Variants in PP2D1 observed in about 807,000 individuals in gnomAD.
PP2D1 encodes the protein protein phosphatase 2C-like domain-containing protein 1.
A neutral mutation model predicts 30.2 loss-of-function variants in PP2D1; 25 were observed. The observed-to-expected ratio is 0.83, with a 90% confidence interval of 0.60 to 1.16. The LOEUF is 1.16. Ranked by LOEUF, PP2D1 falls within the 50% of genes most tolerant of loss-of-function variation. The pLI is 0.00. For missense variants in PP2D1, 760 were observed against 742.4 expected (o/e 1.02, Z -0.28); for synonymous variants, 260 against 258.9 (o/e 1.00, Z -0.04).
Position 20,001,812 on chromosome 3 carries a change from G to A in PP2D1, c.308C>T (p.Pro103Leu), listed in dbSNP as rs767795233. The A allele has an allele frequency of 2.5e-5, 39 of 1,535,130 alleles. No homozygotes were observed. The highest frequency in any genetic ancestry group is 3.3e-5 in the Non-Finnish European group (38 of 1,146,646). The change falls in exon 2 of 3, where the codon CCC becomes CTC. Residue 103 changes from proline to leucine, a missense_variant. Pro to Leu is a moderately conservative substitution (Grantham distance 98). Transcript: ENST00000389050. ...FQWMGRKKPQ[P>L]SVIAVQRQFM... ...CTGTCTCTGAACAGCAATCACTGAG[G>A]GCTGTGGTTTCTTTCTACCCATCCA...
Position 19,995,796 on chromosome 3 carries a change from A to G in PP2D1, c.1090+5234T>C, listed in dbSNP as rs538593008. 2.0e-5 allele frequency among the ~76,000 whole-genome samples: 3 copies of G among 152,354 alleles called. No individual in the cohort carries two copies. In the South Asian group the frequency reaches 6.2e-4, roughly 32 times the overall value. ...TTTCATACCACAATGGAATAGAACT[A>G]GTAATCAATAGCAAGAGGAACATTG... On this transcript the variant is annotated intron_variant, in intron 2 of 2. Coordinates refer to ENST00000389050, the MANE Select transcript of PP2D1 (RefSeq NM_001252657.2).
chr3:19,983,974 G>C, downstream of PP2D1: 1 of 610,136 alleles, frequency 1.6e-6, no homozygotes, highest in South Asian at 2.1e-5. Flanking sequence ...TAAGTGTTTT[G>C]AACTTAATTT....
intron 2 of PP2D1, 30 bp downstream of exon 2, chr3:20,001,000 G>T: frequency 8.3e-7 from 1 of 1,209,956 alleles, no homozygotes; most frequent in Non-Finnish European, 1.1e-6. Flanking sequence ...AAACATAAAG[G>T]TGTTATTTGG....
intron 2 of PP2D1, 118 bp downstream of exon 2, chr3:20,000,912 A>G (rs777596517): frequency 6.3e-5 from 30 of 476,348 alleles, no homozygotes; most frequent in Non-Finnish European, 8.2e-5. Context: ...GATCAATGCA[A>G]TTTCTAGGTA....
intron 2 of PP2D1, among the ~76,000 whole-genome samples, chr3:19,990,433 A>G (rs1319315329): frequency 1.3e-5 from 2 of 152,236 alleles, no homozygotes; most frequent in African/African-American, 2.4e-5. Context: ...TACAAGTGCC[A>G]GTCACTGCAC....
chr3:20,011,259 A>G (rs1038251902), intron 1 of PP2D1, among the ~76,000 whole-genome samples: 3 of 152,170 alleles, frequency 2.0e-5, no homozygotes, highest in Non-Finnish European at 4.4e-5. Flanking sequence ...TTTGGCCAAA[A>G]TATATAAAAA....
intron 2 of PP2D1, among the ~76,000 whole-genome samples, chr3:19,999,440 GGTGT>G (rs764010963): frequency 0.19 from 28,639 of 151,380 alleles, 2,617 homozygotes; most frequent in South Asian, 0.22. Flanking sequence ...GGAGTGCAGT[GGTGT>G]GATCTCAGCT....
intron 2 of PP2D1, among the ~76,000 whole-genome samples, chr3:19,987,054 AT>A (rs1407209972): frequency 6.7e-6 from 1 of 148,416 alleles, no homozygotes; most frequent in East Asian, 1.9e-4. Flanking sequence ...AAAAAAAAAA[AT>A]CATTCCTGTG....
chr3:20,001,692 A>AT lies in PP2D1; in HGVS notation c.427dup (p.Ile143AsnfsTer6), dbSNP rs1697255655. Reference sequence around the variant, plus strand: ...ATCAAAAATCTTATAGTATGCTGGTATTTGTTTTTTCCAAAGCAGCTCAAA... The same window carrying AT: ...ATCAAAAATCTTATAGTATGCTGGTATTTTGTTTTTTCCAAAGCAGCTCAAA... On this transcript the variant is annotated frameshift_variant, in exon 2 of 3. Coordinates refer to ENST00000389050, the MANE Select transcript of PP2D1 (RefSeq NM_001252657.2). LOFTEE classifies it high-confidence loss of function. 3 of 1,534,560 alleles carry AT rather than the reference A, an allele frequency of 2.0e-6. No individual in the cohort carries two copies. Among genetic ancestry groups the AT allele is most frequent in the Non-Finnish European group, 2.6e-6 (3 of 1,146,312 alleles).
chr3:20,009,336 C>A (rs755343229), intron 1 of PP2D1, among the ~76,000 whole-genome samples: 3 of 152,068 alleles, frequency 2.0e-5, no homozygotes, highest in Non-Finnish European at 1.5e-5. Flanking sequence ...GTGGTGCACA[C>A]CTGTAGTCCC....
chr3:20,008,493 G>C (rs894490917), intron 1 of PP2D1, among the ~76,000 whole-genome samples: 1 of 152,078 alleles, frequency 6.6e-6, no homozygotes, highest in African/African-American at 2.4e-5. Flanking sequence ...TGTGAACCCG[G>C]GAGGTGGAGG....
intron 1 of PP2D1, among the ~76,000 whole-genome samples, chr3:20,011,168 C>T (rs1487551331): frequency 6.6e-6 from 1 of 152,110 alleles, no homozygotes; most frequent in Non-Finnish European, 1.5e-5. Flanking sequence ...GCAGAAGGAG[C>T]AAGAGGACCC....
downstream of PP2D1, chr3:19,984,465 A>G (rs1696994519): frequency 4.4e-6 from 1 of 229,020 alleles, no homozygotes; most frequent in African/African-American, 2.4e-5. Context: ...ATCTTGTTTT[A>G]GGAATTTTGA....
chr3:20,002,104 C>A lies in PP2D1; in HGVS notation c.24-8G>T. 6.6e-7 allele frequency: 1 copy of A among 1,507,400 alleles called. No homozygotes were observed. Among genetic ancestry groups the A allele is most frequent in the Non-Finnish European group, 8.9e-7 (1 of 1,123,156 alleles). 93.4% of individuals were successfully genotyped at this position (1,507,400 alleles called of 1,614,324 possible). A position where few individuals can be genotyped will look rare whatever the true frequency, so the allele number is the denominator to read the frequency against. On this transcript the variant is annotated splice_polypyrimidine_tract_variant and splice_region_variant and intron_variant, in intron 1 of 2. Transcript: ENST00000389050. ...CTTGATTTCCAAAACACTCTGCAAA[C>A]AGGATGAAAGATATTTACATGCCAG...
intron 3 of PP2D1, chr3:19,980,320 TAGAA>T (rs1338236467): frequency 3.9e-5 from 6 of 152,258 alleles, no homozygotes; most frequent in Admixed American, 3.9e-4. Flanking sequence ...TTTTTCGAGT[TAGAA>T]AGCAGCCTAC....
chr3:20,009,592 C>CT (rs1425027777), intron 1 of PP2D1, among the ~76,000 whole-genome samples: 2 of 152,042 alleles, frequency 1.3e-5, no homozygotes, highest in African/African-American at 2.4e-5. Flanking sequence ...GGGTAAATAT[C>CT]TTTAAGATGC....
Position 19,985,423 on chromosome 3 carries a change from A to G in PP2D1, c.1850T>C (p.Met617Thr), listed in dbSNP as rs199571653. 119 of 1,535,594 alleles carry G rather than the reference A, an allele frequency of 7.7e-5. No homozygotes were observed. The highest frequency in any genetic ancestry group is 4.6e-4 in the East Asian group (19 of 40,912). ...LAGSRDNITV[M>T]VIFLNGSEYQ... is the part of the protein sequence containing the mutation. ...TTCACTTCCATTGAGAAATATTACC[A>G]TAACTGTAATGTTGTCTCTGGAGCC... Residue 617 changes from methionine to threonine, a missense_variant, in exon 3 of 3, where the codon ATG becomes ACG. Met to Thr is a moderately conservative substitution (Grantham distance 81). Transcript: ENST00000389050.
chr3:20,012,102 C>T lies in PP2D1; in HGVS notation c.-30G>A. ...CTTTGGAATTACCTTTCTTTGCCCTCCCTTTATCCCCTTCCCCTGGCCTCT... is the reference window on the plus strand; with the variant it reads ...CTTTGGAATTACCTTTCTTTGCCCTTCCTTTATCCCCTTCCCCTGGCCTCT... On this transcript the variant is annotated 5_prime_UTR_variant, in exon 1 of 3. Transcript: ENST00000389050. 1 of 1,517,076 alleles carries T rather than the reference C, an allele frequency of 6.6e-7. No homozygotes were observed. The highest frequency in any genetic ancestry group is 1.4e-5 in the African/African-American group (1 of 72,440). The allele number at this position is 1,517,076 out of a possible 1,614,324, so 94.0% of individuals were successfully genotyped here.
exon 4 of PP2D1, chr3:19,980,093 G>C (rs1274067492): frequency 6.6e-6 from 1 of 152,180 alleles, no homozygotes; most frequent in Non-Finnish European, 1.5e-5. Flanking sequence ...CAGTTTGCTA[G>C]GGAAGTGCTG....
Sources: allele counts gnomAD v4.1 joint callset (sites outside exome capture counted in the v4.1 genomes callset), GRCh38; gene constraint gnomAD v4.1.1; transcripts MANE v1.5; gene names NCBI Gene and HGNC (gene_info 2026-07-23, HGNC 2026-07-21).